Variants in SCLT1 observed in about 807,000 individuals in gnomAD.
SCLT1 encodes sodium channel-associated protein 1.
SCLT1 carries 78 observed loss-of-function variants against 112.8 expected under a neutral mutation model. That is an observed-to-expected ratio of 0.69 (90% CI 0.58 to 0.83). The LOEUF (loss-of-function observed/expected upper bound fraction) is 0.83, where lower values mean the gene tolerates loss of function less well. Among genes scored for constraint, SCLT1 ranks in the 40% least tolerant of loss-of-function variants. The probability of loss-of-function intolerance (pLI) is 0.00; values close to 1 mark genes in which losing one functional copy is unlikely to be tolerated. For synonymous variants in SCLT1, 257 were observed against 254.7 expected (o/e 1.01, Z -0.09); for missense variants, 747 against 770.4 (o/e 0.97, Z 0.36).
intron 18 of SCLT1, among the ~76,000 whole-genome samples, chr4:128,899,973 G>A (rs1023011285): frequency 6.6e-6 from 1 of 152,154 alleles, no homozygotes; most frequent in African/African-American, 2.4e-5. Flanking sequence ...TATAAGGGAT[G>A]TGAAGGACCT....
At chr4:129,036,103 C>A (rs1212480539) in intron 5 of SCLT1, among the ~76,000 whole-genome samples, 7 of 151,922 alleles carry the variant, frequency 4.6e-5, no homozygotes, top group African/African-American at 1.7e-4. Flanking sequence ...TCCTTAGCCA[C>A]AATATATAAT....
chr4:128,881,519 G>T (rs931204807), downstream of SCLT1, among the ~76,000 whole-genome samples: 30 of 152,086 alleles, frequency 2.0e-4, no homozygotes, highest in Non-Finnish European at 3.7e-4. Context: ...GAAGATTGTT[G>T]CCTGCCCTAG....
At chr4:128,956,010 A>T (rs181250843) in intron 13 of SCLT1, among the ~76,000 whole-genome samples, 1 of 152,196 alleles carries the variant, frequency 6.6e-6, no homozygotes, top group African/African-American at 2.4e-5. Flanking sequence ...TATGAGAGTA[A>T]GTTCAGTTTC....
chr4:128,993,232 A>T (rs1434909147), intron 8 of SCLT1, among the ~76,000 whole-genome samples: 1 of 152,020 alleles, frequency 6.6e-6, no homozygotes, highest in African/African-American at 2.4e-5. Context: ...GATAAAACTT[A>T]ATACATGCCT....
At chr4:129,057,980 A>T (rs1328476528) in intron 2 of SCLT1, among the ~76,000 whole-genome samples, 1 of 151,988 alleles carries the variant, frequency 6.6e-6, no homozygotes, top group Non-Finnish European at 1.5e-5. Context: ...CTGAACTGGC[A>T]TCAGGTGATC....
chr4:128,945,262 T>C (rs553846380), intron 16 of SCLT1, among the ~76,000 whole-genome samples: 18 of 152,312 alleles, frequency 1.2e-4, no homozygotes, highest in African/African-American at 3.1e-4. Context: ...ACCCCGTGAA[T>C]GTATGGTATT....
chr4:128,890,394 A>G (rs1221781622), intron 19 of SCLT1, among the ~76,000 whole-genome samples: 1 of 152,150 alleles, frequency 6.6e-6, no homozygotes, highest in Non-Finnish European at 1.5e-5. Flanking sequence ...GATTATTTCA[A>G]TGGCTATTCC....
At chr4:128,980,759 G>T (rs1741574554) in intron 9 of SCLT1, among the ~76,000 whole-genome samples, 1 of 152,240 alleles carries the variant, frequency 6.6e-6, no homozygotes, top group African/African-American at 2.4e-5. Flanking sequence ...ATTGTGCAAA[G>T]CTTCTATTGA....
intron 18 of SCLT1, among the ~76,000 whole-genome samples, chr4:128,930,081 C>T (rs1736635731): frequency 6.6e-6 from 1 of 151,958 alleles, no homozygotes; most frequent in Non-Finnish European, 1.5e-5. Context: ...GCCCTAAAAC[C>T]CCTTACTGTT....
intron 1 of SCLT1, among the ~76,000 whole-genome samples, chr4:129,087,235 C>A (rs768646342): frequency 6.6e-6 from 1 of 152,036 alleles, no homozygotes; most frequent in Non-Finnish European, 1.5e-5. Flanking sequence ...AGGTTCTTCT[C>A]GAGTACAATA....
chr4:128,932,955 C>G (rs992273832), intron 18 of SCLT1, among the ~76,000 whole-genome samples: 1 of 152,072 alleles, frequency 6.6e-6, no homozygotes, highest in African/African-American at 2.4e-5. Flanking sequence ...TAAGAAGGCA[C>G]AAATAATTGG....
chr4:129,022,165 G>A (rs1330956257), intron 5 of SCLT1, among the ~76,000 whole-genome samples: 1 of 152,146 alleles, frequency 6.6e-6, no homozygotes, highest in African/African-American at 2.4e-5. Context: ...ATCAAAGGTA[G>A]ATAAATCCAT....
At chr4:129,038,997 C>T (rs1747434504) in intron 5 of SCLT1, 44 bp downstream of exon 5, 1 of 1,171,850 alleles carries the variant, frequency 8.5e-7, no homozygotes, top group Non-Finnish European at 1.3e-6. Context: ...TAAAAGTTAC[C>T]TAAGACAATA....
rs539010730 is a variant in SCLT1, at chr4:129,015,762, C to G, written c.291-11886G>C. Among the ~76,000 whole-genome samples, 32 of 152,226 alleles carry G rather than the reference C, an allele frequency of 2.1e-4. No homozygotes were observed. The South Asian group carries it at 4.1e-3, about 20-fold the overall frequency. On this transcript the variant is annotated intron_variant, in intron 5 of 20. Transcript: ENST00000281142. ...TCCTTGAAAATTCAACTCACCCATTCCCCCGGAGCCACCAGAGACCAGGAA... is the reference window on the plus strand; with the variant it reads ...TCCTTGAAAATTCAACTCACCCATTGCCCCGGAGCCACCAGAGACCAGGAA...
Position 128,972,987 on chromosome 4 carries a change from T to C in SCLT1, c.687-2519A>G, listed in dbSNP as rs181337543. Reference sequence around the variant, plus strand: ...TCAAAGAGTCTCATCTCTTGCCAATTACCCCCATGTAATTTATATTCCAAG... The same window carrying C: ...TCAAAGAGTCTCATCTCTTGCCAATCACCCCCATGTAATTTATATTCCAAG... On this transcript the variant is annotated intron_variant, in intron 9 of 20. Coordinates refer to ENST00000281142, the MANE Select transcript of SCLT1 (RefSeq NM_144643.4). 1.6e-3 allele frequency among the ~76,000 whole-genome samples: 248 copies of C among 152,296 alleles called. 2 individuals are homozygous for C. The highest frequency in any genetic ancestry group is 0.014 in the East Asian group (71 of 5,166).
chr4:129,056,671 T>C (rs963156502), intron 2 of SCLT1, among the ~76,000 whole-genome samples: 4 of 152,238 alleles, frequency 2.6e-5, no homozygotes, highest in African/African-American at 9.6e-5. Context: ...TACTAACTTT[T>C]GCATGTTGAT....
chr4:128,990,905 A>G (rs143289573), intron 9 of SCLT1, among the ~76,000 whole-genome samples: 5 of 152,030 alleles, frequency 3.3e-5, no homozygotes, highest in African/African-American at 1.2e-4. Context: ...AGAAAACTAT[A>G]AAACTCTGAT....
Position 128,997,857 on chromosome 4 carries a change from TA to T in SCLT1, c.615+16del. 8.0e-7 allele frequency: 1 copy of T among 1,243,158 alleles called. No individual in the cohort carries two copies. Among genetic ancestry groups the T allele is most frequent in the South Asian group, 1.5e-5 (1 of 64,924 alleles). 77.0% of individuals were successfully genotyped at this position (1,243,158 alleles called of 1,614,324 possible). A position where few individuals can be genotyped will look rare whatever the true frequency, so the allele number is the denominator to read the frequency against. On this transcript the variant is annotated intron_variant, in intron 8 of 20. Coordinates refer to ENST00000281142, the MANE Select transcript of SCLT1 (RefSeq NM_144643.4). Reference sequence around the variant, plus strand: ...TTATAGGGACAATTTCTAGTTTATATAAATAAGTATACTTACCACTTCCATG... The same window carrying T: ...TTATAGGGACAATTTCTAGTTTATATAATAAGTATACTTACCACTTCCATG...
At chr4:128,957,166 T>TCTTTACTAA in intron 12 of SCLT1, 42 bp from the exon 13 acceptor site, 2 of 1,217,948 alleles carry the variant, frequency 1.6e-6, no homozygotes, top group Non-Finnish European at 2.4e-6. Flanking sequence ...AACATTATTA[T>TCTTTACTAA]TAGTAAAGAT....
Sources: allele counts gnomAD v4.1 joint callset (sites outside exome capture counted in the v4.1 genomes callset), GRCh38; gene constraint gnomAD v4.1.1; transcripts MANE v1.5; gene names NCBI Gene and HGNC (gene_info 2026-07-23, HGNC 2026-07-21).